TUB: variants seen among roughly 807,000 people sequenced by gnomAD.
The protein encoded by TUB is tubby protein homolog.
In TUB, 33 loss-of-function variants were observed where a neutral mutation model predicts 59.7. The observed-to-expected ratio is 0.55, with a 90% CI of 0.42 to 0.74. The LOEUF (loss-of-function observed/expected upper bound fraction) is 0.74. Ranked by LOEUF, TUB falls within the 30% of genes least tolerant of loss-of-function variation. The pLI, the probability that TUB is intolerant of heterozygous loss-of-function variation, is 0.00. For missense variants in TUB, 659 were observed against 672.0 expected, an observed-to-expected ratio of 0.98 and a Z score of 0.21; for synonymous variants, 293 against 256.4, an observed-to-expected ratio of 1.14 and a Z score of -1.36.
At chr11:8,077,678 C>A (rs117835326), upstream of TUB, 2 of 152,300 alleles carry the variant, frequency 1.3e-5, no homozygotes, top group Non-Finnish European at 2.9e-5. Context: ...TTATCTCCCC[C>A]CTTCTAGGGA....
intron 1 of TUB, among the ~76,000 whole-genome samples, chr11:8,020,210 G>T (rs1247124711): frequency 6.6e-6 from 1 of 152,126 alleles, no homozygotes; most frequent in African/African-American, 2.4e-5. Flanking sequence ...TTTAAGTTTC[G>T]TAACCCCAAG....
At chr11:8,047,273 T>A (rs1333148632) in intron 2 of TUB, among the ~76,000 whole-genome samples, 9 of 152,180 alleles carry the variant, frequency 5.9e-5, no homozygotes, top group Admixed American at 5.9e-4. Flanking sequence ...CCTTCAAGAC[T>A]TGGTATCACC....
intron 4 of TUB, among the ~76,000 whole-genome samples, chr11:8,094,670 G>C (rs958763983): frequency 2.6e-5 from 4 of 152,188 alleles, no homozygotes; most frequent in African/African-American, 9.7e-5. Flanking sequence ...CCACAGACCA[G>C]CCTGTTCCCT....
At chr11:8,088,366 A>G (rs1943708083) in intron 1 of TUB, among the ~76,000 whole-genome samples, 1 of 152,204 alleles carries the variant, frequency 6.6e-6, no homozygotes, top group East Asian at 1.9e-4. Context: ...AGGGCTAGCC[A>G]TCAGGAGGAG....
rs1224233098 is a variant in TUB at position 8,095,656 on chromosome 11, C to G, written c.556C>G (p.Gln186Glu). The change falls in exon 5 of 12, where the codon CAG (glutamine) becomes GAG (glutamate). Residue 186 changes from glutamine to glutamate, a missense_variant. By Grantham distance (29) the Gln-to-Glu change is conservative. Transcript: ENST00000299506. ...CGGGCAGGATCTCCGTGCCACGATG[C>G]AGAGGAAGGGTGAGCCCCATGGGGA... ...PSGQDLRATM[Q>E]RKGISSSMSF... 6.2e-7 allele frequency: 1 copy of G among 1,600,106 alleles called. No homozygotes were observed. The highest frequency in any genetic ancestry group is 2.3e-5 in the East Asian group (1 of 44,328).
chr11:8,084,691 C>T (rs887141839), intron 1 of TUB, among the ~76,000 whole-genome samples: 1 of 152,196 alleles, frequency 6.6e-6, no homozygotes, highest in Non-Finnish European at 1.5e-5. Flanking sequence ...GACAAGACGT[C>T]CACTTCTTTG....
intron 1 of TUB, among the ~76,000 whole-genome samples, chr11:8,089,161 T>G (rs904775319): frequency 2.0e-5 from 3 of 152,148 alleles, no homozygotes; most frequent in African/African-American, 4.8e-5. Context: ...GGACGCAGCC[T>G]CCTCTAGAAT....
At chr11:8,097,549 C>G in intron 7 of TUB, 124 bp downstream of exon 7, 1 of 1,397,068 alleles carries the variant, frequency 7.2e-7, no homozygotes. Context: ...AAACTGCCTT[C>G]GTGTCTGGTC....
chr11:8,097,756 T>G lies in TUB; in HGVS notation c.928T>G (p.Ser310Ala). The G allele has an allele frequency of 6.2e-7, 1 of 1,613,936 alleles. No homozygotes were observed. Among genetic ancestry groups the G allele is most frequent in the East Asian group, 2.2e-5 (1 of 44,862 alleles). The change falls in exon 8 of 12, where the codon TCC becomes GCC. Residue 310 changes from serine (S) to alanine (A), a missense_variant. Physicochemically the swap from Ser to Ala is moderately conservative, Grantham distance 99. Coordinates refer to ENST00000299506, the MANE Select transcript of TUB (RefSeq NM_177972.3). ...AAGGAAGAGAAAGAAGAGTAAAACT[T>G]CCAATTACCTCATCTCTGTGGACCC... ...AGRKRKKSKTSNYLISVDPTD... is the reference protein window; with the variant it reads ...AGRKRKKSKTANYLISVDPTD...
chr11:8,081,194 C>T (rs7946342), upstream of TUB, among the ~76,000 whole-genome samples: 2 of 150,766 alleles, frequency 1.3e-5, no homozygotes, highest in South Asian at 4.1e-4. Flanking sequence ...AGGGGCAGGC[C>T]GCCGCTGCCA....
intron 1 of TUB, among the ~76,000 whole-genome samples, chr11:8,086,313 G>A (rs974130177): frequency 5.9e-5 from 9 of 152,152 alleles, no homozygotes; most frequent in Non-Finnish European, 1.0e-4. Flanking sequence ...GGGAAGCGTC[G>A]GTGAGAAAGG....
In TUB at chr11:8,097,832, A is replaced by C. The variant is rs1438611225; in HGVS notation, c.998+6A>C. 4 of 1,609,804 alleles carry C rather than the reference A, an allele frequency of 2.5e-6. No individual in the cohort carries two copies. In the Admixed American group the frequency reaches 6.7e-5, roughly 27 times the overall value. On this transcript the variant is annotated splice_donor_region_variant and intron_variant, in intron 8 of 11. Coordinates refer to ENST00000299506, the MANE Select transcript of TUB (RefSeq NM_177972.3). ...AGCTATATCGGGAAACTGCGGTACTAGCATTCCCCCAGGAAGCAGGCGGGA... is the reference window on the plus strand; with the variant it reads ...AGCTATATCGGGAAACTGCGGTACTCGCATTCCCCCAGGAAGCAGGCGGGA...
chr11:8,095,165 G>A (rs1943930346), intron 4 of TUB, among the ~76,000 whole-genome samples: 1 of 152,208 alleles, frequency 6.6e-6, no homozygotes, highest in Non-Finnish European at 1.5e-5. Flanking sequence ...CCTTGCCTAT[G>A]GTCTGGATCA....
chr11:8,098,135 T>C (rs1944085244), intron 8 of TUB, among the ~76,000 whole-genome samples: 1 of 151,648 alleles, frequency 6.6e-6, no homozygotes, highest in Admixed American at 6.6e-5. Context: ...TTGCCTTGGC[T>C]CCATGGTCAA....
rs928335500 is a variant in TUB, at chr11:8,038,956, G to C, written c.83G>C (p.Trp28Ser). The change falls in exon 1 of 13, where the codon TGG (tryptophan) becomes TCG (serine). Residue 28 changes from tryptophan to serine, a missense_variant. Physicochemically the swap from Trp to Ser is radical, Grantham distance 177 (BLOSUM62 -3). Transcript: ENST00000305253. ...ATTTTGTTCCCAGGAGGCACTCCCTGGCCCATGGGATCTCAGCATTCAAAG... is the reference window on the plus strand; with the variant it reads ...ATTTTGTTCCCAGGAGGCACTCCCTCGCCCATGGGATCTCAGCATTCAAAG... 6.9e-5 allele frequency: 111 copies of C among 1,613,888 alleles called. No individual in the cohort carries two copies. The highest frequency in any genetic ancestry group is 9.0e-5 in the Non-Finnish European group (106 of 1,179,994).
chr11:8,030,579 G>C (rs1942555013), intron 1 of TUB, among the ~76,000 whole-genome samples: 1 of 152,184 alleles, frequency 6.6e-6, no homozygotes, highest in African/African-American at 2.4e-5. Context: ...GTGTGTTGGG[G>C]AGTGGGGTTC....
rs577983751 is a variant in TUB at position 8,090,544 on chromosome 11, A to C, written c.253+313A>C. ...CACTGAGTGCAGGAGGTAGCTTCTAAGAGTAGATGACCTGCTCCCCACCAG... is the reference window on the plus strand; with the variant it reads ...CACTGAGTGCAGGAGGTAGCTTCTACGAGTAGATGACCTGCTCCCCACCAG... On this transcript the variant is annotated intron_variant, in intron 3 of 11. Transcript: ENST00000299506. 2.8e-4 allele frequency among the ~76,000 whole-genome samples: 43 copies of C among 152,352 alleles called. No homozygotes were observed. The South Asian group carries it at 3.1e-3, about 11-fold the overall frequency.
At position 8,097,698 on chromosome 11, in the gene TUB, C is replaced by T; in HGVS notation, c.886-16C>T. On this transcript the variant is annotated splice_polypyrimidine_tract_variant and intron_variant, in intron 7 of 11. Coordinates refer to ENST00000299506, the MANE Select transcript of TUB (RefSeq NM_177972.3). ...AGAGGCTGAGTCTGGAATATGACCTCATTCCACTCCCCAAGGTGTTCCTCC... is the reference window on the plus strand; with the variant it reads ...AGAGGCTGAGTCTGGAATATGACCTTATTCCACTCCCCAAGGTGTTCCTCC... 1 of 1,592,784 alleles carries T rather than the reference C, an allele frequency of 6.3e-7. No individual in the cohort carries two copies. Among genetic ancestry groups the T allele is most frequent in the Non-Finnish European group, 8.6e-7 (1 of 1,161,986 alleles).
At chr11:8,045,489 G>A (rs1172858013) in intron 2 of TUB, among the ~76,000 whole-genome samples, 4 of 152,090 alleles carry the variant, frequency 2.6e-5, no homozygotes, top group South Asian at 4.1e-4. Flanking sequence ...AGTTAATGGT[G>A]GGCTTTGTTC....
Sources: allele counts gnomAD v4.1 joint callset (sites outside exome capture counted in the v4.1 genomes callset), GRCh38; gene constraint gnomAD v4.1.1; transcripts MANE v1.5; gene names NCBI Gene and HGNC (gene_info 2026-07-23, HGNC 2026-07-21).